The following CDH6 variants were observed in gnomAD, a reference collection of about 807,000 sequenced individuals.
CDH6 encodes the protein cadherin-6.
Under a neutral mutation model 78.0 loss-of-function variants are expected in CDH6, and 31 were observed. The observed-to-expected ratio is 0.40, with a 90% CI of 0.30 to 0.54. The LOEUF (loss-of-function observed/expected upper bound fraction) is 0.54, where lower values mean the gene tolerates loss of function less well. CDH6 is among the 20% of genes least tolerant of loss of function. CDH6 has a pLI of 0.56. For missense variants in CDH6, 724 were observed against 975.9 expected (o/e 0.74, Z 3.44); for synonymous variants, 376 against 368.8 (o/e 1.02, Z -0.23).
intron 1 of CDH6, among the ~76,000 whole-genome samples, chr5:31,199,906 C>G (rs1215679727): frequency 1.3e-5 from 2 of 151,740 alleles, no homozygotes; most frequent in Non-Finnish European, 2.9e-5. Flanking sequence ...TACTTGTATC[C>G]TCTTTACTTA....
At chr5:31,274,537 C>A (rs1180678261) in intron 2 of CDH6, among the ~76,000 whole-genome samples, 1 of 152,160 alleles carries the variant, frequency 6.6e-6, no homozygotes, top group Non-Finnish European at 1.5e-5. Flanking sequence ...AGGGAGGGAT[C>A]GAGCTGGGCA....
intron 1 of CDH6, among the ~76,000 whole-genome samples, chr5:31,245,494 G>C (rs1177490477): frequency 6.6e-6 from 1 of 151,856 alleles, no homozygotes; most frequent in East Asian, 1.9e-4. Context: ...AATGTTAAAA[G>C]CCCTTTCCTA....
At chr5:31,270,799 A>T (rs529710075) in intron 2 of CDH6, among the ~76,000 whole-genome samples, 1 of 151,752 alleles carries the variant, frequency 6.6e-6, no homozygotes, top group Non-Finnish European at 1.5e-5. Flanking sequence ...TGGGCTCAAG[A>T]TGTCCTCCTG....
At chr5:31,204,838 C>CA (rs889163261) in intron 1 of CDH6, among the ~76,000 whole-genome samples, 7 of 151,734 alleles carry the variant, frequency 4.6e-5, no homozygotes, top group South Asian at 2.1e-4. Context: ...ACTCCACAAT[C>CA]AAAAAAAAGC....
Position 31,203,684 on chromosome 5 carries a change from C to T in CDH6, c.-129+9798C>T, listed in dbSNP as rs375732730. 2.1e-3 allele frequency among the ~76,000 whole-genome samples: 314 copies of T among 151,764 alleles called. 3 individuals are homozygous for T. The Middle Eastern group carries it at 0.034, about 17-fold the overall frequency. On this transcript the variant is annotated intron_variant, in intron 1 of 11. Coordinates refer to ENST00000265071, the MANE Select transcript of CDH6 (RefSeq NM_004932.4). ...TGGGTTGGTTCCAAGTCTTTGCTAT[C>T]GTGAATAATGCCACAATAAACATAC...
At chr5:31,309,827 T>A (rs1738093800) in intron 7 of CDH6, among the ~76,000 whole-genome samples, 1 of 152,192 alleles carries the variant, frequency 6.6e-6, no homozygotes, top group Non-Finnish European at 1.5e-5. Context: ...TCAGATCTCA[T>A]GAGAACTCAC....
At chr5:31,224,267 G>T (rs185466227) in intron 1 of CDH6, among the ~76,000 whole-genome samples, 1 of 152,240 alleles carries the variant, frequency 6.6e-6, no homozygotes, top group Non-Finnish European at 1.5e-5. Context: ...GATCTCATGA[G>T]ACTTATTCAC....
intron 2 of CDH6, among the ~76,000 whole-genome samples, chr5:31,292,828 T>TATATATATATGTGTGC (rs1561061025): frequency 2.2e-3 from 48 of 21,794 alleles, no homozygotes; most frequent in East Asian, 0.02. Flanking sequence ...TGTGCATATA[T>TATATATATATGTGTGC]ATATATATAT....
chr5:31,264,984 C>A (rs1028289530), intron 1 of CDH6, among the ~76,000 whole-genome samples: 8 of 152,216 alleles, frequency 5.3e-5, no homozygotes, highest in Non-Finnish European at 1.2e-4. Flanking sequence ...CAGGAGTCTG[C>A]CTTTTAAACA....
At chr5:31,312,318 GT>G (rs2149957184) in intron 7 of CDH6, among the ~76,000 whole-genome samples, 1 of 152,252 alleles carries the variant, frequency 6.6e-6, no homozygotes, top group Non-Finnish European at 1.5e-5. Flanking sequence ...TTTTTTCTCT[GT>G]TTGTGGCAGC....
chr5:31,252,845 T>C (rs1741946506), intron 1 of CDH6, among the ~76,000 whole-genome samples: 1 of 152,180 alleles, frequency 6.6e-6, no homozygotes, highest in South Asian at 2.1e-4. Flanking sequence ...TACAGTAAAT[T>C]GTTACATGTG....
At chr5:31,302,794 G>GAAAGAAAGAAAGAA (rs1388716040) in intron 6 of CDH6, among the ~76,000 whole-genome samples, 3 of 36,360 alleles carry the variant, frequency 8.3e-5, no homozygotes, top group Non-Finnish European at 1.9e-4. Context: ...GAGAGAGAGA[G>GAAAGAAAGAAAGAA]AGAGAGAAAG....
At chr5:31,278,682 G>A (rs1742769734) in intron 2 of CDH6, among the ~76,000 whole-genome samples, 2 of 152,142 alleles carry the variant, frequency 1.3e-5, no homozygotes, top group East Asian at 3.8e-4. Flanking sequence ...CAGCTATAGA[G>A]AGAAATGTGA....
At chr5:31,320,154 T>G (rs1445529432) in intron 11 of CDH6, among the ~76,000 whole-genome samples, 1 of 152,196 alleles carries the variant, frequency 6.6e-6, no homozygotes, top group African/African-American at 2.4e-5. Flanking sequence ...TTGCCCCATG[T>G]GCTTAGCAAT....
intron 6 of CDH6, 27 bp from the exon 7 acceptor site, chr5:31,305,147 A>G: frequency 1.3e-6 from 2 of 1,590,616 alleles, no homozygotes; most frequent in Non-Finnish European, 1.7e-6. Context: ...TAAATATGTC[A>G]CTTCTTCCCC....
At chr5:31,308,214 T>A (rs1172263665) in intron 7 of CDH6, among the ~76,000 whole-genome samples, 1 of 152,118 alleles carries the variant, frequency 6.6e-6, no homozygotes, top group African/African-American at 2.4e-5. Flanking sequence ...CAAGCACAAA[T>A]CTTTAATTCT....
At chr5:31,313,749 A>G (rs1738221414) in intron 8 of CDH6, among the ~76,000 whole-genome samples, 1 of 152,230 alleles carries the variant, frequency 6.6e-6, no homozygotes, top group African/African-American at 2.4e-5. Context: ...CTTATAAATT[A>G]GAACATTACA....
At chr5:31,274,409 G>A (rs1411615961) in intron 2 of CDH6, among the ~76,000 whole-genome samples, 2 of 152,170 alleles carry the variant, frequency 1.3e-5, no homozygotes, top group South Asian at 2.1e-4. Context: ...CTGGCCAGCC[G>A]CACAGCAGAG....
At chr5:31,298,055 C>T (rs904564170) in intron 4 of CDH6, among the ~76,000 whole-genome samples, 5 of 152,198 alleles carry the variant, frequency 3.3e-5, no homozygotes, top group Non-Finnish European at 7.3e-5. Context: ...AAATCATTGT[C>T]TAGCCCATCC....
Sources: gnomAD v4.1 joint callset for allele counts (sites outside exome capture counted in the v4.1 genomes callset) on GRCh38, gnomAD v4.1.1 for gene constraint, MANE v1.5 for transcripts, NCBI Gene and HGNC (gene_info 2026-07-23, HGNC 2026-07-21) for gene names.